The following C12orf42 variants were observed in gnomAD, a reference collection of about 807,000 sequenced individuals.
C12orf42 encodes uncharacterized protein C12orf42.
In C12orf42, 25 loss-of-function variants were observed where a neutral mutation model predicts 21.6. That is an observed-to-expected ratio of 1.16 (90% CI 0.84 to 1.62). C12orf42 has a LOEUF of 1.62. Among genes scored for constraint, C12orf42 ranks in the 40% most tolerant of loss-of-function variants. The pLI, the probability that C12orf42 is intolerant of heterozygous loss-of-function variation, is 0.00. For missense variants in C12orf42, 483 were observed against 459.3 expected, an observed-to-expected ratio of 1.05 and a Z score of -0.47; for synonymous variants, 174 against 175.0, an observed-to-expected ratio of 0.99 and a Z score of 0.05.
At chr12:103,529,291 G>A in the C12orf42 span, among the ~76,000 whole-genome samples, 1 of 152,166 alleles carries the variant, frequency 6.6e-6, no homozygotes, top group Non-Finnish European at 1.5e-5. Context: ...TTCTAATGGA[G>A]CCCATAGGAT....
At chr12:103,194,339 A>G in the C12orf42 span, among the ~76,000 whole-genome samples, 1 of 152,178 alleles carries the variant, frequency 6.6e-6, no homozygotes, top group African/African-American at 2.4e-5. Flanking sequence ...GGCAAGAGAA[A>G]GAAATAAAAG....
At chr12:103,382,905 C>G (rs2046305328) in intron 3 of C12orf42, among the ~76,000 whole-genome samples, 1 of 152,152 alleles carries the variant, frequency 6.6e-6, no homozygotes, top group African/African-American at 2.4e-5. Flanking sequence ...CACTTCTTCT[C>G]TATACCCATC....
At chr12:103,375,696 T>C (rs1387454329) in intron 3 of C12orf42, among the ~76,000 whole-genome samples, 1 of 152,182 alleles carries the variant, frequency 6.6e-6, no homozygotes, top group Non-Finnish European at 1.5e-5. Flanking sequence ...ATTAATAACA[T>C]AGTTATAAAG....
At chr12:103,238,998 C>A (rs1257957171) in intron 10 of C12orf42, among the ~76,000 whole-genome samples, 1 of 152,152 alleles carries the variant, frequency 6.6e-6, no homozygotes, top group Non-Finnish European at 1.5e-5. Flanking sequence ...ATTGGGCTTG[C>A]ACTTGGGAGT....
chr12:103,331,611 T>C (rs17033721), intron 4 of C12orf42, among the ~76,000 whole-genome samples: 6,138 of 152,254 alleles, frequency 0.04, 385 homozygotes, highest in African/African-American at 0.14. Flanking sequence ...GAACATGTGG[T>C]CCCAGTTTAC....
chr12:103,319,477 T>C (rs1052320103), intron 4 of C12orf42, among the ~76,000 whole-genome samples: 1 of 152,212 alleles, frequency 6.6e-6, no homozygotes, highest in African/African-American at 2.4e-5. Flanking sequence ...CTTCAACTTG[T>C]ATGAACAAGA....
At chr12:103,250,552 C>T (rs191160470) in intron 10 of C12orf42, among the ~76,000 whole-genome samples, 1 of 152,164 alleles carries the variant, frequency 6.6e-6, no homozygotes, top group East Asian at 1.9e-4. Context: ...CAATGAATGT[C>T]CAGTGCTCTT....
chr12:103,207,297 C>A, the C12orf42 span, among the ~76,000 whole-genome samples: 3 of 152,310 alleles, frequency 2.0e-5, no homozygotes, highest in Admixed American at 6.5e-5. Context: ...GTAACTCAGA[C>A]TATGCTGACT....
the C12orf42 span, chr12:103,549,447 A>C: frequency 2.0e-5 from 3 of 152,212 alleles, no homozygotes; most frequent in Non-Finnish European, 4.4e-5. Context: ...CCAGCTTTAC[A>C]TGCACTTGTT....
At chr12:103,179,970 T>C in the C12orf42 span, among the ~76,000 whole-genome samples, 8 of 152,006 alleles carry the variant, frequency 5.3e-5, no homozygotes, top group Non-Finnish European at 7.4e-5. Flanking sequence ...AAGAATGATC[T>C]GAAGGTGAAG....
chr12:103,250,323 G>A (rs896372219), intron 10 of C12orf42, among the ~76,000 whole-genome samples: 7 of 151,964 alleles, frequency 4.6e-5, no homozygotes, highest in African/African-American at 1.7e-4. Context: ...CCTTTCCTAT[G>A]TTGTGGTTGC....
chr12:103,064,673 A>G, the C12orf42 span, among the ~76,000 whole-genome samples: 2 of 152,206 alleles, frequency 1.3e-5, no homozygotes, highest in Non-Finnish European at 2.9e-5. Flanking sequence ...ACTGCCAACA[A>G]TTTATGCTGT....
At chr12:103,485,882 T>G (rs1191331917) in intron 1 of C12orf42, among the ~76,000 whole-genome samples, 2 of 152,226 alleles carry the variant, frequency 1.3e-5, no homozygotes, top group African/African-American at 4.8e-5. Flanking sequence ...GCTGAGATGA[T>G]GGGGTTTTCT....
chr12:103,167,039 A>G, the C12orf42 span, among the ~76,000 whole-genome samples: 1 of 152,196 alleles, frequency 6.6e-6, no homozygotes, highest in Non-Finnish European at 1.5e-5. Context: ...CGCTTTTGAA[A>G]TAAATTGCTC....
the C12orf42 span, among the ~76,000 whole-genome samples, chr12:103,537,936 T>C: frequency 6.6e-6 from 1 of 152,250 alleles, no homozygotes; most frequent in African/African-American, 2.4e-5. Flanking sequence ...TGTATTTCTA[T>C]TATGAATTTG....
the C12orf42 span, among the ~76,000 whole-genome samples, chr12:103,052,650 TAGA>T: frequency 1.4e-4 from 21 of 152,224 alleles, no homozygotes; most frequent in South Asian, 2.1e-4. Flanking sequence ...TTATGACGAA[TAGA>T]AGTTCTTCAT....
intron 4 of C12orf42, among the ~76,000 whole-genome samples, chr12:103,350,030 A>G (rs1421858251): frequency 6.6e-6 from 1 of 152,180 alleles, no homozygotes; most frequent in Non-Finnish European, 1.5e-5. Context: ...TTGGGAAAAG[A>G]TTAAAATGAC....
chr12:103,493,787 T>C (rs545643447), intron 1 of C12orf42, among the ~76,000 whole-genome samples: 1 of 138,364 alleles, frequency 7.2e-6, no homozygotes, highest in East Asian at 2.1e-4. Context: ...TAAGAGGAAA[T>C]ACGCATGAAA....
intron 2 of C12orf42, among the ~76,000 whole-genome samples, chr12:103,438,078 C>T (rs1194790705): frequency 6.7e-6 from 1 of 149,360 alleles, no homozygotes; most frequent in Non-Finnish European, 1.5e-5. Flanking sequence ...GGGCTTCATC[C>T]CTGGGATGCA....
Sources: gnomAD v4.1 joint callset for allele counts (sites outside exome capture counted in the v4.1 genomes callset) on GRCh38, gnomAD v4.1.1 for gene constraint, MANE v1.5 for transcripts, NCBI Gene and HGNC (gene_info 2026-07-23, HGNC 2026-07-21) for gene names.